Variants in CFAP20DC observed in about 807,000 individuals in gnomAD.
CFAP20DC encodes protein CFAP20DC.
CFAP20DC carries 84 observed loss-of-function variants against 101.7 expected under a neutral mutation model. The observed-to-expected ratio is 0.83, with a 90% CI of 0.69 to 0.99. The LOEUF is 0.99. Among genes scored for constraint, CFAP20DC ranks in the 50% least tolerant of loss-of-function variants. The probability of loss-of-function intolerance (pLI) is 0.00; values close to 1 mark genes in which losing one functional copy is unlikely to be tolerated. For missense variants in CFAP20DC, 1,007 were observed against 970.3 expected (o/e 1.04, Z -0.50); for synonymous variants, 359 against 351.2 (o/e 1.02, Z -0.25).
At chr3:58,716,663 G>A (rs1053621922), downstream of CFAP20DC, among the ~76,000 whole-genome samples, 1 of 152,102 alleles carries the variant, frequency 6.6e-6, no homozygotes, top group Non-Finnish European at 1.5e-5. Context: ...TCCTATGGGG[G>A]TCTGCTAAAG....
intron 4 of CFAP20DC, among the ~76,000 whole-genome samples, chr3:58,980,545 T>C (rs2092487923): frequency 6.6e-6 from 1 of 152,286 alleles, no homozygotes; most frequent in Admixed American, 6.5e-5. Flanking sequence ...GCAAGGCTGG[T>C]TCAATATACA....
intron 6 of CFAP20DC, among the ~76,000 whole-genome samples, chr3:58,889,140 A>G (rs1256964590): frequency 6.6e-6 from 1 of 152,148 alleles, no homozygotes; most frequent in Non-Finnish European, 1.5e-5. Flanking sequence ...TCAAAATCCA[A>G]TGTGAATTTT....
At position 59,014,011 on chromosome 3, in the gene CFAP20DC, C is replaced by T. The variant is rs2093641094; in HGVS notation, c.278+25546G>A. Among the ~76,000 whole-genome samples the T allele has an allele frequency of 6.6e-6, 1 of 152,150 alleles. No homozygotes were observed. Among genetic ancestry groups the T allele is most frequent in the African/African-American group, 2.4e-5 (1 of 41,440 alleles). On this transcript the variant is annotated intron_variant, in intron 4 of 16. Coordinates refer to ENST00000482387, the MANE Select transcript of CFAP20DC (RefSeq NM_001394063.1). This position sits in a 1 kb window ranked among gnomAD's most constrained non-coding sequence, Gnocchi z 4.9. The stretch of plus-strand genomic sequence containing the variant: ...TGAATTCACTGTCTTCTACTTCTTG[C>T]CACTAAACAACATATCAGCTTGCTT...
intron 5 of CFAP20DC, among the ~76,000 whole-genome samples, chr3:58,922,344 C>T (rs1224156408): frequency 2.0e-5 from 3 of 152,150 alleles, no homozygotes; most frequent in African/African-American, 7.2e-5. Flanking sequence ...AATTGGCTGA[C>T]TAGTTATTGC....
chr3:58,854,324 G>C (rs934307629), intron 12 of CFAP20DC, among the ~76,000 whole-genome samples: 3 of 150,908 alleles, frequency 2.0e-5, no homozygotes, highest in African/African-American at 4.9e-5. Context: ...CACTGCTCAA[G>C]GAAATAAAAG....
intron 15 of CFAP20DC, among the ~76,000 whole-genome samples, chr3:58,783,442 A>C (rs1279119430): frequency 6.6e-6 from 1 of 152,092 alleles, no homozygotes; most frequent in Admixed American, 6.6e-5. Flanking sequence ...TATTAAATAA[A>C]AAAGCTTCTG....
intron 4 of CFAP20DC, among the ~76,000 whole-genome samples, chr3:58,963,049 A>G (rs1244734861): frequency 2.0e-5 from 3 of 152,006 alleles, no homozygotes; most frequent in African/African-American, 7.2e-5. Flanking sequence ...CTGTGCTCCA[A>G]ATCAAGTCAG....
At chr3:58,925,702 C>T (rs543636902) in intron 5 of CFAP20DC, among the ~76,000 whole-genome samples, 150 of 152,286 alleles carry the variant, frequency 9.8e-4, no homozygotes, top group African/African-American at 3.4e-3. Context: ...AACAACTGGT[C>T]TATTAAGCAA....
rs2073548048 is a variant in CFAP20DC, at chr3:58,799,807, A to G, written c.2237+6588T>C. Reference sequence around the variant, plus strand: ...ACAAGGAAACATCAGTTAGTGGAATAATGTGATGAAAACAAAAAAGATAAT... The same window carrying G: ...ACAAGGAAACATCAGTTAGTGGAATGATGTGATGAAAACAAAAAAGATAAT... On this transcript the variant is annotated intron_variant, in intron 15 of 16. Transcript: ENST00000482387. This position sits in a 1 kb window ranked among gnomAD's most constrained non-coding sequence, Gnocchi z 4.9. Among the ~76,000 whole-genome samples, 1 of 151,934 alleles carries G rather than the reference A, an allele frequency of 6.6e-6. No homozygotes were observed. Among genetic ancestry groups the G allele is most frequent in the Non-Finnish European group, 1.5e-5 (1 of 67,990 alleles).
At chr3:58,994,784 A>C (rs999767721) in intron 4 of CFAP20DC, among the ~76,000 whole-genome samples, 1 of 152,108 alleles carries the variant, frequency 6.6e-6, no homozygotes, top group African/African-American at 2.4e-5. Context: ...TTGGAAATAA[A>C]AAAAAAAGAA....
At chr3:58,952,996 T>C (rs1249434789) in intron 4 of CFAP20DC, among the ~76,000 whole-genome samples, 1 of 152,122 alleles carries the variant, frequency 6.6e-6, no homozygotes, top group African/African-American at 2.4e-5. Flanking sequence ...ATAAATAAAC[T>C]AGTCCACATA....
At chr3:58,834,408 T>G (rs1427768506) in intron 13 of CFAP20DC, among the ~76,000 whole-genome samples, 1 of 151,760 alleles carries the variant, frequency 6.6e-6, no homozygotes, top group South Asian at 2.1e-4. Context: ...AAAAACACAT[T>G]TTATTTTAAT....
At chr3:58,875,402 A>G (rs2080660734) in intron 7 of CFAP20DC, among the ~76,000 whole-genome samples, 1 of 152,172 alleles carries the variant, frequency 6.6e-6, no homozygotes, top group Non-Finnish European at 1.5e-5. Flanking sequence ...ATTCTAGACT[A>G]TTCATTTGGT....
At chr3:58,888,343 C>T (rs147000244) in intron 6 of CFAP20DC, among the ~76,000 whole-genome samples, 152 of 152,252 alleles carry the variant, frequency 1.0e-3, no homozygotes, top group Admixed American at 2.8e-3. Context: ...CCTGTCCTTG[C>T]CTCCTTGAAG....
chr3:58,833,473 G>A (rs1320547282), intron 13 of CFAP20DC, among the ~76,000 whole-genome samples: 1 of 152,080 alleles, frequency 6.6e-6, no homozygotes, highest in Non-Finnish European at 1.5e-5. Flanking sequence ...CACATACAAA[G>A]ATGTTCAACA....
intron 4 of CFAP20DC, among the ~76,000 whole-genome samples, chr3:58,991,701 C>T (rs2092943493): frequency 6.6e-6 from 1 of 152,072 alleles, no homozygotes; most frequent in African/African-American, 2.4e-5. Context: ...ATGTGCAGTT[C>T]ACAATAGGGT....
At chr3:58,757,545 T>A (rs1324282448) in intron 15 of CFAP20DC, among the ~76,000 whole-genome samples, 2 of 152,120 alleles carry the variant, frequency 1.3e-5, no homozygotes, top group Non-Finnish European at 2.9e-5. Context: ...GTCAAAGGTA[T>A]CAGCCATTTA....
chr3:58,760,103 T>C (rs527583836), intron 15 of CFAP20DC, among the ~76,000 whole-genome samples: 3 of 152,362 alleles, frequency 2.0e-5, no homozygotes, highest in African/African-American at 7.2e-5. Context: ...GGGATGGCAC[T>C]GAATCTATAA....
At chr3:58,990,654 C>T (rs1332545848) in intron 4 of CFAP20DC, among the ~76,000 whole-genome samples, 1 of 152,030 alleles carries the variant, frequency 6.6e-6, no homozygotes, top group African/African-American at 2.4e-5. Context: ...TTCTGAAATT[C>T]TCTAAAATCT....
Sources: allele counts gnomAD v4.1 joint callset (sites outside exome capture counted in the v4.1 genomes callset), GRCh38; gene constraint gnomAD v4.1.1; non-coding constraint Gnocchi (gnomAD v3.1); transcripts MANE v1.5; gene names NCBI Gene and HGNC (gene_info 2026-07-23, HGNC 2026-07-21).